Variants in PARD3B observed in about 807,000 individuals in gnomAD.
PARD3B encodes the protein partitioning defective 3 homolog B.
PARD3B carries 103 observed loss-of-function variants against 130.2 expected under a neutral mutation model. The observed-to-expected ratio is 0.79, with a 90% CI of 0.67 to 0.93. The LOEUF (loss-of-function observed/expected upper bound fraction) is 0.93. PARD3B is among the 40% of genes least tolerant of loss of function. The probability of loss-of-function intolerance (pLI) is 0.00; values close to 1 mark genes in which losing one functional copy is unlikely to be tolerated. For missense variants in PARD3B, 1,609 were observed against 1,499.2 expected, an observed-to-expected ratio of 1.07 and a Z score of -1.21; for synonymous variants, 583 against 553.2, an observed-to-expected ratio of 1.05 and a Z score of -0.76.
At chr2:205,318,461 C>T (rs915146934) in intron 18 of PARD3B, among the ~76,000 whole-genome samples, 1 of 152,122 alleles carries the variant, frequency 6.6e-6, no homozygotes, top group Non-Finnish European at 1.5e-5. Flanking sequence ...TGACGACTAT[C>T]GCACTTTTGG....
At chr2:205,136,805 T>C (rs186867466) in intron 10 of PARD3B, among the ~76,000 whole-genome samples, 468 of 152,342 alleles carry the variant, frequency 3.1e-3, no homozygotes, top group African/African-American at 9.1e-3. Flanking sequence ...CAAAGAAAGG[T>C]TGATGTTCAG....
At position 205,525,460 on chromosome 2, in the gene PARD3B, A is replaced by G. The variant is rs142855345; in HGVS notation, c.3180+25429A>G. On this transcript the variant is annotated intron_variant, in intron 21 of 22. Coordinates refer to ENST00000406610, the MANE Select transcript of PARD3B (RefSeq NM_001302769.2). This position sits in a 1 kb window ranked among gnomAD's most constrained non-coding sequence, Gnocchi z 4.2. Reference sequence around the variant, plus strand: ...ATATAATGCTGGGTGTTATGTATGCACAGTTACCTATGAACACAAAAAGGT... The same window carrying G: ...ATATAATGCTGGGTGTTATGTATGCGCAGTTACCTATGAACACAAAAAGGT... Among the ~76,000 whole-genome samples the G allele has an allele frequency of 3.3e-5, 5 of 152,330 alleles. No homozygotes were observed. In the East Asian group the frequency reaches 9.6e-4, roughly 29 times the overall value.
chr2:205,238,849 A>AAAATAT lies in PARD3B; in HGVS notation c.2141-6928_2141-6927insAATATA, dbSNP rs1273582854. 1.4e-3 allele frequency among the ~76,000 whole-genome samples: 108 copies of AAAATAT among 76,898 alleles called. 3 individuals are homozygous for AAAATAT. Among genetic ancestry groups the AAAATAT allele is most frequent in the Non-Finnish European group, 2.3e-3 (100 of 43,320 alleles). 50.4% of individuals were successfully genotyped at this position (76,898 alleles called of 152,430 possible). A position where few individuals can be genotyped will look rare whatever the true frequency, so the allele number is the denominator to read the frequency against. ...AAACTCCGTTTCAAAAAAAAAAAAA[A>AAAATAT]ATATATATATATATATATATATATA... On this transcript the variant is annotated intron_variant, in intron 15 of 22. Coordinates refer to ENST00000406610, the MANE Select transcript of PARD3B (RefSeq NM_001302769.2).
At chr2:204,766,045 C>T (rs1439961470) in intron 2 of PARD3B, among the ~76,000 whole-genome samples, 1 of 152,150 alleles carries the variant, frequency 6.6e-6, no homozygotes, top group Non-Finnish European at 1.5e-5. Context: ...TTGTGATTGT[C>T]TTTCCTCCCA....
chr2:204,969,393 G>A (rs1559311180), intron 3 of PARD3B, among the ~76,000 whole-genome samples: 7 of 152,144 alleles, frequency 4.6e-5, no homozygotes. Context: ...GGGTGAAGAA[G>A]TCTAGAAAGT....
chr2:204,567,307 C>A (rs936816185), intron 1 of PARD3B, among the ~76,000 whole-genome samples: 2 of 152,176 alleles, frequency 1.3e-5, no homozygotes, highest in South Asian at 4.1e-4. Flanking sequence ...GTCGCCACCA[C>A]CCACCTACAA....
At chr2:205,224,098 G>A (rs1451028390) in intron 15 of PARD3B, among the ~76,000 whole-genome samples, 7 of 148,860 alleles carry the variant, frequency 4.7e-5, no homozygotes, top group Non-Finnish European at 7.4e-5. Flanking sequence ...GGCCAGGCAC[G>A]GTGGCTCACA....
At chr2:205,374,829 G>A (rs982523391) in intron 18 of PARD3B, among the ~76,000 whole-genome samples, 6 of 152,132 alleles carry the variant, frequency 3.9e-5, no homozygotes, top group African/African-American at 1.4e-4. Context: ...AGAAAATTAA[G>A]AGAGAAAAAT....
rs563181649 is a variant in PARD3B, at chr2:205,610,549, C to A, written c.3261-4907C>A. ...AGAGAGCTCTCAATTTCCTCAGCACCAGTTAGTCATGCTGAGCTCACTGGG... is the reference window on the plus strand; with the variant it reads ...AGAGAGCTCTCAATTTCCTCAGCACAAGTTAGTCATGCTGAGCTCACTGGG... On this transcript the variant is annotated intron_variant, in intron 22 of 22. Coordinates refer to ENST00000406610, the MANE Select transcript of PARD3B (RefSeq NM_001302769.2). Among the ~76,000 whole-genome samples the A allele has an allele frequency of 5.9e-5, 9 of 152,238 alleles. No homozygotes were observed. In the South Asian group the frequency reaches 1.9e-3, roughly 32 times the overall value.
Position 204,990,901 on chromosome 2 carries a change from G to T in PARD3B, c.394+25578G>T, listed in dbSNP as rs4675481. 5.3e-5 allele frequency among the ~76,000 whole-genome samples: 8 copies of T among 152,132 alleles called. No individual in the cohort carries two copies. The South Asian group carries it at 1.7e-3, about 31-fold the overall frequency. ...CTTTTTATTTTAGCATATGGTGTGA[G>T]ATAGGGGTACAGCTTTTCCACCATA... On this transcript the variant is annotated intron_variant, in intron 3 of 22. Transcript: ENST00000406610.
intron 10 of PARD3B, among the ~76,000 whole-genome samples, chr2:205,151,011 C>T (rs930316360): frequency 2.0e-5 from 3 of 152,154 alleles, no homozygotes; most frequent in African/African-American, 7.2e-5. Flanking sequence ...AACACACACA[C>T]ATACAAATTC....
chr2:205,182,438 G>A (rs745718192), intron 13 of PARD3B, among the ~76,000 whole-genome samples: 2 of 151,634 alleles, frequency 1.3e-5, no homozygotes, highest in Admixed American at 6.6e-5. Flanking sequence ...ACGATAAATG[G>A]TTCACATGAG....
chr2:204,942,251 G>C (rs950126625), intron 2 of PARD3B, among the ~76,000 whole-genome samples: 1 of 152,142 alleles, frequency 6.6e-6, no homozygotes, highest in Non-Finnish European at 1.5e-5. Context: ...ACTAGCTCTG[G>C]AAATGTAACT....
At chr2:205,249,159 G>A (rs1405233741) in intron 16 of PARD3B, among the ~76,000 whole-genome samples, 3 of 149,208 alleles carry the variant, frequency 2.0e-5, no homozygotes, top group Non-Finnish European at 4.4e-5. Flanking sequence ...ACAGGCATGT[G>A]TGTGGTGCCC....
intron 4 of PARD3B, among the ~76,000 whole-genome samples, chr2:205,074,737 A>T (rs1266618323): frequency 6.6e-6 from 1 of 152,204 alleles, no homozygotes; most frequent in Non-Finnish European, 1.5e-5. Context: ...TGTAAATGGC[A>T]GCACCCAATG....
intron 19 of PARD3B, among the ~76,000 whole-genome samples, chr2:205,433,173 T>C (rs1275787545): frequency 6.6e-6 from 1 of 152,216 alleles, no homozygotes; most frequent in East Asian, 1.9e-4. Flanking sequence ...CTAAATTTGT[T>C]AGTTTATAAA....
intron 1 of PARD3B, among the ~76,000 whole-genome samples, chr2:204,622,614 TTA>T (rs565155193): frequency 6.3e-4 from 96 of 151,744 alleles, no homozygotes; most frequent in Non-Finnish European, 1.2e-3. Flanking sequence ...TATACTACTA[TTA>T]TATAGCCGTA....
At chr2:204,992,266 G>A (rs1172372078) in intron 3 of PARD3B, among the ~76,000 whole-genome samples, 4 of 142,784 alleles carry the variant, frequency 2.8e-5, no homozygotes, top group African/African-American at 1.0e-4. Flanking sequence ...AAGGTGTAAG[G>A]AAGGGATCCA....
At chr2:205,216,525 G>C (rs2037920551) in intron 15 of PARD3B, among the ~76,000 whole-genome samples, 1 of 152,016 alleles carries the variant, frequency 6.6e-6, no homozygotes, top group Non-Finnish European at 1.5e-5. Context: ...TCAATTGGCA[G>C]TATAAAACTA....
Sources: allele counts gnomAD v4.1 joint callset (sites outside exome capture counted in the v4.1 genomes callset), GRCh38; gene constraint gnomAD v4.1.1; non-coding constraint Gnocchi (gnomAD v3.1); transcripts MANE v1.5; gene names NCBI Gene and HGNC (gene_info 2026-07-23, HGNC 2026-07-21).